Variants in SCCPDH observed in about 807,000 individuals in gnomAD.
SCCPDH encodes saccharopine dehydrogenase (putative).
SCCPDH carries 34 observed loss-of-function variants against 51.5 expected under a neutral mutation model. The observed-to-expected ratio is 0.66, with a 90% confidence interval of 0.50 to 0.88. The LOEUF is 0.88. Ranked by LOEUF, SCCPDH falls within the 40% of genes least tolerant of loss-of-function variation. The pLI, the probability that SCCPDH is intolerant of heterozygous loss-of-function variation, is 0.00. For synonymous variants in SCCPDH, 187 were observed against 191.3 expected, an observed-to-expected ratio of 0.98 and a Z score of 0.19; for missense variants, 464 against 527.1, an observed-to-expected ratio of 0.88 and a Z score of 1.17.
intron 10 of SCCPDH, 132 bp from the exon 11 acceptor site, chr1:246,765,926 G>T: frequency 1.6e-6 from 1 of 634,760 alleles, no homozygotes; most frequent in East Asian, 2.6e-5. Context: ...TTTTTGTTAA[G>T]TGACCAGAGT....
chr1:246,746,482 T>C (rs757896541), intron 5 of SCCPDH, among the ~76,000 whole-genome samples: 3 of 152,236 alleles, frequency 2.0e-5, no homozygotes, highest in Non-Finnish European at 4.4e-5. Flanking sequence ...TAGTTTTTAC[T>C]TCTTTCTTTG....
At chr1:246,728,487 A>T (rs1313545533) in intron 2 of SCCPDH, among the ~76,000 whole-genome samples, 1 of 152,086 alleles carries the variant, frequency 6.6e-6, no homozygotes, top group Non-Finnish European at 1.5e-5. Context: ...CTGGAGAAAA[A>T]TGTATCCCCC....
chr1:246,764,326 T>G lies in SCCPDH; in HGVS notation c.1071T>G (p.Asn357Lys). The G allele has an allele frequency of 6.2e-7, 1 of 1,612,644 alleles. No homozygotes were observed. The highest frequency in any genetic ancestry group is 8.5e-7 in the Non-Finnish European group (1 of 1,179,144). Residue 357 changes from asparagine (N) to lysine (K), a missense_variant, in exon 10 of 12, where the codon AAT becomes AAG. Asn to Lys is a moderately conservative substitution (Grantham distance 94, BLOSUM62 0). Transcript: ENST00000366510. ...QGTGTDKNKPNIKICTQVKGP... is the reference protein window; with the variant it reads ...QGTGTDKNKPKIKICTQVKGP... Reference sequence around the variant, plus strand: ...CTGGTACAGATAAGAACAAACCAAATATCAAAATTTGTACTCAGGTGAAAG... The same window carrying G: ...CTGGTACAGATAAGAACAAACCAAAGATCAAAATTTGTACTCAGGTGAAAG...
At chr1:246,766,921 T>A (rs1669093252) in intron 11 of SCCPDH, among the ~76,000 whole-genome samples, 1 of 152,180 alleles carries the variant, frequency 6.6e-6, no homozygotes, top group African/African-American at 2.4e-5. Flanking sequence ...TTCGGGGTGA[T>A]GGCGCACAGT....
chr1:246,735,403 C>G (rs929836248), intron 2 of SCCPDH, among the ~76,000 whole-genome samples: 2 of 152,166 alleles, frequency 1.3e-5, no homozygotes, highest in Non-Finnish European at 2.9e-5. Flanking sequence ...GGGTTCAACT[C>G]AAGGGAATCA....
At chr1:246,742,812 A>G (rs1325152835) in intron 4 of SCCPDH, among the ~76,000 whole-genome samples, 3 of 152,056 alleles carry the variant, frequency 2.0e-5, no homozygotes, top group African/African-American at 7.2e-5. Context: ...AGCCCATTAT[A>G]TTTTTCTTTT....
chr1:246,754,420 C>T (rs1053556207), intron 5 of SCCPDH, among the ~76,000 whole-genome samples: 4 of 152,168 alleles, frequency 2.6e-5, no homozygotes, highest in Non-Finnish European at 5.9e-5. Flanking sequence ...GAATCCCGGG[C>T]GGGCCCCCAA....
chr1:246,745,234 A>G (rs749440015), intron 5 of SCCPDH, among the ~76,000 whole-genome samples: 3 of 152,236 alleles, frequency 2.0e-5, no homozygotes, highest in Non-Finnish European at 2.9e-5. Flanking sequence ...TTTCTGGGAA[A>G]GGACCATGTT....
intron 4 of SCCPDH, among the ~76,000 whole-genome samples, chr1:246,741,372 T>G (rs1668673971): frequency 6.6e-6 from 1 of 151,814 alleles, no homozygotes; most frequent in Non-Finnish European, 1.5e-5. Flanking sequence ...CTGCCGTAGC[T>G]CACCGTAACG....
intron 5 of SCCPDH, among the ~76,000 whole-genome samples, chr1:246,745,899 G>C (rs1332208288): frequency 2.0e-5 from 3 of 151,904 alleles, no homozygotes; most frequent in Admixed American, 2.0e-4. Context: ...ACGAGGTCAG[G>C]AGATCGAGAC....
intron 2 of SCCPDH, among the ~76,000 whole-genome samples, chr1:246,731,548 T>C (rs1285923841): frequency 1.3e-5 from 2 of 152,054 alleles, no homozygotes. Context: ...CTCCAGGTAG[T>C]GGAAGCAAGC....
intron 5 of SCCPDH, among the ~76,000 whole-genome samples, chr1:246,752,275 G>T (rs2102987954): frequency 6.6e-6 from 1 of 152,284 alleles, no homozygotes; most frequent in African/African-American, 2.4e-5. Context: ...GCTAGGTGTA[G>T]AGCCTAGGAC....
At chr1:246,751,775 CCTT>C (rs1292838286) in intron 5 of SCCPDH, among the ~76,000 whole-genome samples, 1 of 41,592 alleles carries the variant, frequency 2.4e-5, no homozygotes, top group Non-Finnish European at 4.8e-5. Context: ...CATAAATTCT[CCTT>C]TTTTTTTTTT....
chr1:246,747,701 G>A (rs1242243160), intron 5 of SCCPDH, among the ~76,000 whole-genome samples: 1 of 4,512 alleles, frequency 2.2e-4, no homozygotes, highest in Non-Finnish European at 0.02. Context: ...GGCTAGGGTT[G>A]GACTGCAGTC....
chr1:246,732,820 C>A (rs1668512182), intron 2 of SCCPDH, among the ~76,000 whole-genome samples: 1 of 151,858 alleles, frequency 6.6e-6, no homozygotes, highest in Admixed American at 6.5e-5. Context: ...TCACAACTAC[C>A]CAGGGAAGTG....
chr1:246,759,377 C>G (rs1668979953), intron 7 of SCCPDH, among the ~76,000 whole-genome samples: 1 of 152,156 alleles, frequency 6.6e-6, no homozygotes, highest in South Asian at 2.1e-4. Context: ...AACACAATAG[C>G]AGCAAATTCA....
chr1:246,738,216 A>G (rs541767041), intron 3 of SCCPDH, among the ~76,000 whole-genome samples: 34 of 151,492 alleles, frequency 2.2e-4, no homozygotes, highest in Non-Finnish European at 4.1e-4. Flanking sequence ...CAACAAACCT[A>G]TTAAAGAACC....
Position 246,740,317 on chromosome 1 carries a change from T to G in SCCPDH, c.514+16T>G. 1.3e-6 allele frequency: 2 copies of G among 1,576,470 alleles called. No homozygotes were observed. Among genetic ancestry groups the G allele is most frequent in the Non-Finnish European group, 8.7e-7 (1 of 1,154,758 alleles). On this transcript the variant is annotated intron_variant, in intron 4 of 11. Coordinates refer to ENST00000366510, the MANE Select transcript of SCCPDH (RefSeq NM_016002.3). ...AAAATGAATGGTAATTATTGATCAA[T>G]AAGCAATAATGGAATTTAACAGTAC...
intron 5 of SCCPDH, among the ~76,000 whole-genome samples, chr1:246,746,132 A>AGAAG (rs1553273599): frequency 6.7e-6 from 1 of 148,910 alleles, no homozygotes; most frequent in African/African-American, 2.5e-5. Flanking sequence ...AAAAAAAAAA[A>AGAAG]GAAGGAAGGG....
Sources: allele counts gnomAD v4.1 joint callset (sites outside exome capture counted in the v4.1 genomes callset), GRCh38; gene constraint gnomAD v4.1.1; transcripts MANE v1.5; gene names NCBI Gene and HGNC (gene_info 2026-07-23, HGNC 2026-07-21).